The following EVA1C variants were observed in gnomAD, a reference collection of about 807,000 sequenced individuals.
EVA1C encodes the protein eva-1 homolog C.
EVA1C carries 25 observed loss-of-function variants against 45.4 expected under a neutral mutation model. The ratio of observed to expected loss-of-function variants is 0.55; its 90% CI spans 0.40 to 0.77. The LOEUF (loss-of-function observed/expected upper bound fraction) is 0.77, where lower values mean the gene tolerates loss of function less well. Among genes scored for constraint, EVA1C ranks in the 30% least tolerant of loss-of-function variants. EVA1C has a pLI of 0.00. For missense variants in EVA1C, 479 were observed against 554.8 expected (o/e 0.86, Z 1.37); for synonymous variants, 190 against 221.2 (o/e 0.86, Z 1.25).
At chr21:32,512,375 G>A (rs1189954712) in intron 7 of EVA1C, among the ~76,000 whole-genome samples, 1 of 152,162 alleles carries the variant, frequency 6.6e-6, no homozygotes, top group East Asian at 1.9e-4. Context: ...TGAAAAAAGA[G>A]GTACAGTAGC....
intron 7 of EVA1C, among the ~76,000 whole-genome samples, chr21:32,513,556 T>TTC (rs1555877126): frequency 3.6e-5 from 5 of 138,628 alleles, no homozygotes; most frequent in Admixed American, 7.1e-5. Context: ...CTTTTCTTTT[T>TTC]TTTTTTTTTT....
At chr21:32,498,512 A>C (rs541807505) in intron 5 of EVA1C, among the ~76,000 whole-genome samples, 1 of 152,154 alleles carries the variant, frequency 6.6e-6, no homozygotes, top group East Asian at 1.9e-4. Context: ...GGCAAGCATT[A>C]ACCAAATAGC....
chr21:32,438,079 A>C (rs1160287716), intron 1 of EVA1C, among the ~76,000 whole-genome samples: 1 of 151,954 alleles, frequency 6.6e-6, no homozygotes, highest in East Asian at 1.9e-4. Context: ...ACCCTGCTTG[A>C]TCTCCAAACT....
Position 32,515,241 on chromosome 21 carries a change from CA to C in EVA1C, c.*54del. On this transcript the variant is annotated 3_prime_UTR_variant, in exon 8 of 8. Transcript: ENST00000300255. ...GCACTTTCTGAAGAAGGAAGGATCC[CA>C]AATGCCCCTCCAGTTCTGGTTCACC... 1 of 1,520,806 alleles carries C rather than the reference CA, an allele frequency of 6.6e-7. No individual in the cohort carries two copies. Among genetic ancestry groups the C allele is most frequent in the Non-Finnish European group, 8.8e-7 (1 of 1,131,096 alleles). 94.2% of individuals were successfully genotyped at this position (1,520,806 alleles called of 1,614,324 possible). A position where few individuals can be genotyped will look rare whatever the true frequency, so the allele number is the denominator to read the frequency against.
chr21:32,467,927 A>G, intron 4 of EVA1C, 79 bp downstream of exon 4: 2 of 867,986 alleles, frequency 2.3e-6, no homozygotes, highest in East Asian at 3.7e-5. Flanking sequence ...TATATCCTAT[A>G]TATATCCTAT....
At chr21:32,484,879 C>T (rs553994637) in intron 4 of EVA1C, among the ~76,000 whole-genome samples, 133 of 152,294 alleles carry the variant, frequency 8.7e-4, no homozygotes, top group Non-Finnish European at 1.4e-3. Context: ...ATAGCCATTA[C>T]GTCCCCACTC....
At chr21:32,514,284 T>G (rs1371303722) in intron 7 of EVA1C, among the ~76,000 whole-genome samples, 2 of 152,228 alleles carry the variant, frequency 1.3e-5, no homozygotes, top group African/African-American at 4.8e-5. Context: ...ATTATATTAT[T>G]ACTTAGGTTC....
chr21:32,470,195 C>T (rs887302455), intron 4 of EVA1C, among the ~76,000 whole-genome samples: 8 of 152,120 alleles, frequency 5.3e-5, no homozygotes, highest in African/African-American at 1.2e-4. Flanking sequence ...CTAAGTAATA[C>T]CTTGGACCTG....
At chr21:32,495,775 CA>C (rs1439223350) in intron 5 of EVA1C, among the ~76,000 whole-genome samples, 1 of 152,154 alleles carries the variant, frequency 6.6e-6, no homozygotes, top group African/African-American at 2.4e-5. Flanking sequence ...CACGTAAAAG[CA>C]AATCAGCAGT....
intron 1 of EVA1C, among the ~76,000 whole-genome samples, chr21:32,429,869 TA>T (rs2034631593): frequency 1.3e-5 from 2 of 152,234 alleles, no homozygotes; most frequent in Admixed American, 1.3e-4. Flanking sequence ...ATTTCAACAT[TA>T]ATGAATACTT....
chr21:32,422,125 T>C (rs969966238), intron 1 of EVA1C, among the ~76,000 whole-genome samples: 1 of 150,298 alleles, frequency 6.7e-6, no homozygotes, highest in African/African-American at 2.4e-5. Context: ...CAAAAGGCTA[T>C]CGAGAAAAAA....
At chr21:32,487,947 G>A (rs1461204628) in intron 4 of EVA1C, among the ~76,000 whole-genome samples, 1 of 152,182 alleles carries the variant, frequency 6.6e-6, no homozygotes, top group Non-Finnish European at 1.5e-5. Flanking sequence ...GTCAGTCAGA[G>A]GCCCAGGCTT....
intron 7 of EVA1C, among the ~76,000 whole-genome samples, chr21:32,504,487 T>G (rs1255322775): frequency 2.0e-5 from 3 of 152,148 alleles, no homozygotes; most frequent in African/African-American, 7.2e-5. Flanking sequence ...GTCTTCCCCA[T>G]GAGGATCAAT....
At chr21:32,425,660 C>T (rs1202324911) in intron 1 of EVA1C, among the ~76,000 whole-genome samples, 1 of 152,150 alleles carries the variant, frequency 6.6e-6, no homozygotes, top group Non-Finnish European at 1.5e-5. Flanking sequence ...CAGGGGACGG[C>T]GATCTTTACC....
intron 1 of EVA1C, among the ~76,000 whole-genome samples, chr21:32,441,537 G>T (rs111609158): frequency 0.016 from 2,467 of 151,942 alleles, 68 homozygotes; most frequent in African/African-American, 0.056. Flanking sequence ...AGTAGAAGGG[G>T]CCCAGTGGCA....
At chr21:32,485,731 A>G (rs1003219722) in intron 4 of EVA1C, among the ~76,000 whole-genome samples, 4 of 152,360 alleles carry the variant, frequency 2.6e-5, no homozygotes, top group Admixed American at 2.0e-4. Flanking sequence ...TTAAGGGCAC[A>G]GTCTTTAATG....
chr21:32,498,751 G>A (rs2037435953), intron 5 of EVA1C, among the ~76,000 whole-genome samples: 1 of 152,136 alleles, frequency 6.6e-6, no homozygotes, highest in Admixed American at 6.5e-5. Context: ...TTGATGAGGA[G>A]GAAGATGGCC....
intron 5 of EVA1C, among the ~76,000 whole-genome samples, chr21:32,495,997 C>T (rs541195211): frequency 6.6e-5 from 10 of 152,344 alleles, no homozygotes; most frequent in African/African-American, 2.4e-4. Context: ...GAGATATAAT[C>T]CACAGAGCAT....
At chr21:32,427,716 GA>G (rs910209280) in intron 1 of EVA1C, among the ~76,000 whole-genome samples, 104 of 138,958 alleles carry the variant, frequency 7.5e-4, no homozygotes, top group Middle Eastern at 9.1e-3. Context: ...CATCTCAGGG[GA>G]AAAAAAAAAA....
Sources: gnomAD v4.1 joint callset for allele counts (sites outside exome capture counted in the v4.1 genomes callset) on GRCh38, gnomAD v4.1.1 for gene constraint, MANE v1.5 for transcripts, NCBI Gene and HGNC (gene_info 2026-07-23, HGNC 2026-07-21) for gene names.